Variants in MRPS16 observed in about 807,000 individuals in gnomAD.
The protein encoded by MRPS16 is small ribosomal subunit protein bS16m.
Under a neutral mutation model 11.0 loss-of-function variants are expected in MRPS16, and 5 were observed. The ratio of observed to expected loss-of-function variants is 0.46; its 90% CI spans 0.24 to 0.96. MRPS16 has a LOEUF of 0.96. MRPS16 is among the 40% of genes least tolerant of loss of function. MRPS16 has a pLI of 0.20. For missense variants in MRPS16, 179 were observed against 174.4 expected (o/e 1.03, Z -0.15); for synonymous variants, 76 against 65.0 (o/e 1.17, Z -0.81).
intron 1 of MRPS16, 28 bp downstream of exon 1, chr10:73,252,442 A>G (rs2044132266): frequency 1.9e-6 from 3 of 1,609,306 alleles, no homozygotes; most frequent in Non-Finnish European, 2.5e-6. Flanking sequence ...GACCGCCCGG[A>G]ACGTCTCGCG....
rs960048650 is a variant in MRPS16, at chr10:73,252,412, C to T, written c.13+58G>A. The stretch of plus-strand genomic sequence containing the variant: ...CCTGGGAGAGCTCTCCCCACCCGGC[C>T]CCGAACTCCCGAGCCCCGTGACCGC... On this transcript the variant is annotated intron_variant, in intron 1 of 2. Transcript: ENST00000372945. 12 of 1,606,548 alleles carry T rather than the reference C, an allele frequency of 7.5e-6. No homozygotes were observed. In the Admixed American group the frequency reaches 1.7e-4, roughly 22 times the overall value.
intron 2 of MRPS16, among the ~76,000 whole-genome samples, chr10:73,251,469 G>A (rs770658865): frequency 2.6e-5 from 4 of 152,136 alleles, no homozygotes; most frequent in East Asian, 1.9e-4. Flanking sequence ...TCCGCCTCCT[G>A]GGTTCAAGCG....
chr10:73,250,431 A>G lies in MRPS16; in HGVS notation c.*421T>C, dbSNP rs2044073259. 4.4e-6 allele frequency: 1 copy of G among 229,048 alleles called. No homozygotes were observed. The highest frequency in any genetic ancestry group is 8.8e-6 in the Non-Finnish European group (1 of 113,738). The allele number at this position is 229,048 out of a possible 1,614,324, so 14.2% of individuals were successfully genotyped here. A position where few individuals can be genotyped will look rare whatever the true frequency, so the allele number is the denominator to read the frequency against. On this transcript the variant is annotated 3_prime_UTR_variant, in exon 3 of 3. Coordinates refer to ENST00000372945, the MANE Select transcript of MRPS16 (RefSeq NM_016065.4). Reference sequence around the variant, plus strand: ...ATATGCATTAGGCAAGACAATATAAACCTCCAATTACAAAAATCAATTAAG... The same window carrying G: ...ATATGCATTAGGCAAGACAATATAAGCCTCCAATTACAAAAATCAATTAAG...
chr10:73,248,929 T>C lies in MRPS16; in HGVS notation c.*1923A>G. 1 of 483,552 alleles carries C rather than the reference T, an allele frequency of 2.1e-6. No homozygotes were observed. Among genetic ancestry groups the C allele is most frequent in the Admixed American group, 2.5e-5 (1 of 39,830 alleles). The allele number at this position is 483,552 out of a possible 1,614,324, so 30.0% of individuals were successfully genotyped here. The stretch of plus-strand genomic sequence containing the variant: ...AAATTATTATGCTCTAGCCAAATTA[T>C]GTAATGTTTTCTTTTTCTTTTCTCT... On this transcript the variant is annotated 3_prime_UTR_variant, in exon 3 of 3. Transcript: ENST00000372945.
intron 2 of MRPS16, 81 bp from the exon 3 acceptor site, chr10:73,251,072 G>A: frequency 6.5e-7 from 1 of 1,529,288 alleles, no homozygotes; most frequent in African/African-American, 1.4e-5. Context: ...CAGAACTGAG[G>A]TCTGAGATCT....
chr10:73,251,134 A>G, intron 2 of MRPS16, 143 bp from the exon 3 acceptor site: 2 of 932,838 alleles, frequency 2.1e-6, no homozygotes, highest in Non-Finnish European at 3.4e-6. Flanking sequence ...ACTCTGTACT[A>G]CTTCTCCCCG....
At position 73,250,912 on chromosome 10, in the gene MRPS16, G is replaced by A; in HGVS notation, c.354C>T (p.Val118=). 1.2e-6 allele frequency: 2 copies of A among 1,614,206 alleles called. No homozygotes were observed. The highest frequency in any genetic ancestry group is 8.5e-7 in the Non-Finnish European group (1 of 1,180,032). ...CATCTGTTTTCTGAGAAGCTAACAG[G>A]ACTTCACGTGCCCGTTTCCTTCGCA... The part of the protein sequence containing the change: ...ERLRRKRARE[V]LLASQKTDAE... Residue 118 remains valine (V), a synonymous_variant, in exon 3 of 3, where the codon GTC becomes GTT. Coordinates refer to ENST00000372945, the MANE Select transcript of MRPS16 (RefSeq NM_016065.4).
intron 1 of MRPS16, 57 bp from the exon 2 acceptor site, chr10:73,252,080 A>C (rs1168555099): frequency 6.4e-7 from 1 of 1,573,862 alleles, no homozygotes; most frequent in East Asian, 2.3e-5. Flanking sequence ...ACAAAATGAC[A>C]CAGACGGCAC....
In MRPS16 at chr10:73,251,542, AT is replaced by A. The variant is rs113802791; in HGVS notation, c.274+220del. On this transcript the variant is annotated intron_variant, in intron 2 of 2. Coordinates refer to ENST00000372945, the MANE Select transcript of MRPS16 (RefSeq NM_016065.4). ...AGGTGCGTGTCACCACGCCCAACTA[AT>A]TTTTTTTTTTTATTTTTAGTAGAGA... is the stretch of plus-strand genomic sequence containing the variant. Among the ~76,000 whole-genome samples the A allele has an allele frequency of 0.11, 15,986 of 147,656 alleles. 1,194 individuals carry two copies. The highest frequency in any genetic ancestry group is 0.31 in the East Asian group (1,555 of 5,072).
intron 2 of MRPS16, among the ~76,000 whole-genome samples, 196 bp downstream of exon 2, chr10:73,251,567 G>A (rs2044098040): frequency 6.6e-6 from 1 of 151,790 alleles, no homozygotes; most frequent in African/African-American, 2.4e-5. Context: ...TTTTAGTAGA[G>A]ACAGCGTTTC....
At chr10:73,252,290 G>T in intron 1 of MRPS16, 180 bp downstream of exon 1, 1 of 1,121,188 alleles carries the variant, frequency 8.9e-7, no homozygotes, top group Non-Finnish European at 1.3e-6. Context: ...TCAATGGGGT[G>T]GAAATTTTTC....
chr10:73,249,501 AAC>A lies in MRPS16; in HGVS notation c.*1349_*1350del. The A allele has an allele frequency of 1.7e-6, 1 of 587,708 alleles. No homozygotes were observed. The highest frequency in any genetic ancestry group is 2.9e-6 in the Non-Finnish European group (1 of 343,094). The allele number at this position is 587,708 out of a possible 1,614,324, so 36.4% of individuals were successfully genotyped here. On this transcript the variant is annotated 3_prime_UTR_variant, in exon 3 of 3. Transcript: ENST00000372945. Reference sequence around the variant, plus strand: ...ACATTATTGGTATACAGTTTATCCTAACACAGAGCAGCCTTCTTAACCTGCTC... The same window carrying A: ...ACATTATTGGTATACAGTTTATCCTAACAGAGCAGCCTTCTTAACCTGCTC...
rs1326833407 is a variant in MRPS16, at chr10:73,250,662, C to T, written c.*190G>A. 6.9e-6 allele frequency: 5 copies of T among 723,388 alleles called. No homozygotes were observed. In the East Asian group the frequency reaches 1.3e-4, roughly 19 times the overall value. The allele number at this position is 723,388 out of a possible 1,614,324, so 44.8% of individuals were successfully genotyped here. ...AAAGTCGAAAAAAGCTAATTAGTACCCACACCCAGCTCTAAGTCACACAAG... is the reference window on the plus strand; with the variant it reads ...AAAGTCGAAAAAAGCTAATTAGTACTCACACCCAGCTCTAAGTCACACAAG... On this transcript the variant is annotated 3_prime_UTR_variant, in exon 3 of 3. Transcript: ENST00000372945.
intron 2 of MRPS16, 43 bp downstream of exon 2, chr10:73,251,720 A>C: frequency 6.2e-7 from 1 of 1,613,548 alleles, no homozygotes; most frequent in Non-Finnish European, 8.5e-7. Context: ...AGCTGACTTC[A>C]GTTTAAAATC....
chr10:73,252,055 A>C (rs751835856), intron 1 of MRPS16, 32 bp from the exon 2 acceptor site: 1 of 1,603,400 alleles, frequency 6.2e-7, no homozygotes, highest in Admixed American at 1.7e-5. Context: ...GGACACAAAA[A>C]ACAGCACAAA....
chr10:73,252,239 C>T, intron 1 of MRPS16: 2 of 1,001,094 alleles, frequency 2.0e-6, no homozygotes, highest in African/African-American at 1.6e-5. Flanking sequence ...ATGGGCTTGC[C>T]ATTCACTAGG....
chr10:73,252,128 C>T, intron 1 of MRPS16, 105 bp from the exon 2 acceptor site: 1 of 1,472,158 alleles, frequency 6.8e-7, no homozygotes. Flanking sequence ...ACTTCCAATC[C>T]ATTCCTGTCA....
At position 73,250,252 on chromosome 10, in the gene MRPS16, T is replaced by C. The variant is rs12257264; in HGVS notation, c.*600A>G. On this transcript the variant is annotated 3_prime_UTR_variant, in exon 3 of 3. Transcript: ENST00000372945. Reference sequence around the variant, plus strand: ...AAAAAAAATTAGCTGGGTGTGGTGGTGCATGCTTGTAGCTCCCCGGCTACT... The same window carrying C: ...AAAAAAAATTAGCTGGGTGTGGTGGCGCATGCTTGTAGCTCCCCGGCTACT... The C allele has an allele frequency of 0.11, 16,227 of 151,000 alleles. 1,255 individuals carry two copies. Among genetic ancestry groups the C allele is most frequent in the East Asian group, 0.3 (1,540 of 5,078 alleles). 9.4% of individuals were successfully genotyped at this position (151,000 alleles called of 1,614,324 possible). A position where few individuals can be genotyped will look rare whatever the true frequency, so the allele number is the denominator to read the frequency against.
At chr10:73,252,206 C>CCTCATA (rs2133444746) in intron 1 of MRPS16, 183 bp from the exon 2 acceptor site, 1 of 1,080,210 alleles carries the variant, frequency 9.3e-7, no homozygotes, top group East Asian at 2.6e-5. Context: ...ATGACCTCCT[C>CCTCATA]CTCATACCCA....
Sources: gnomAD v4.1 joint callset for allele counts (sites outside exome capture counted in the v4.1 genomes callset) on GRCh38, gnomAD v4.1.1 for gene constraint, MANE v1.5 for transcripts, NCBI Gene and HGNC (gene_info 2026-07-23, HGNC 2026-07-21) for gene names.